STAT5B: variants seen among roughly 807,000 people sequenced by gnomAD.
The protein encoded by STAT5B is signal transducer and activator of transcription 5B.
Under a neutral mutation model 107.8 loss-of-function variants are expected in STAT5B, and 21 were observed. That is an observed-to-expected ratio of 0.19 (90% CI 0.14 to 0.28). STAT5B has a LOEUF of 0.28. Ranked by LOEUF, STAT5B falls within the 10% of genes least tolerant of loss-of-function variation. STAT5B has a pLI of 1.00. For synonymous variants in STAT5B, 325 were observed against 401.7 expected (o/e 0.81, Z 2.28); for missense variants, 565 against 1,008.2 (o/e 0.56, Z 5.95).
At chr17:42,202,214 G>T in intron 18 of STAT5B, 126 bp downstream of exon 18, 1 of 1,154,360 alleles carries the variant, frequency 8.7e-7, no homozygotes. Context: ...CAGAGCCCGG[G>T]CCAGGGCTGT....
chr17:42,225,696 G>A (rs769075186), intron 3 of STAT5B, among the ~76,000 whole-genome samples: 2 of 152,268 alleles, frequency 1.3e-5, no homozygotes, highest in South Asian at 4.1e-4. Context: ...CAAAAGAAAT[G>A]CTATGTAAAT....
At chr17:42,227,789 T>TA (rs1352819422) in intron 2 of STAT5B, 104 bp from the exon 3 acceptor site, 4 of 1,205,790 alleles carry the variant, frequency 3.3e-6, no homozygotes, top group African/African-American at 3.0e-5. Context: ...GTGATGTTTT[T>TA]AATCCTCACT....
chr17:42,248,137 T>C (rs1490442640), intron 1 of STAT5B, among the ~76,000 whole-genome samples: 1 of 151,428 alleles, frequency 6.6e-6, no homozygotes, highest in Non-Finnish European at 1.5e-5. Flanking sequence ...ATTAGCCCAG[T>C]GTGGTGGCGC....
chr17:42,229,362 C>T (rs1253324662), intron 2 of STAT5B, among the ~76,000 whole-genome samples: 2 of 150,970 alleles, frequency 1.3e-5, no homozygotes, highest in African/African-American at 4.9e-5. Context: ...GTTGGCCAGG[C>T]TGGTCTCAAA....
chr17:42,200,201 T>C lies in STAT5B; in HGVS notation c.*1537A>G, dbSNP rs184810925. On this transcript the variant is annotated 3_prime_UTR_variant, in exon 19 of 19. Coordinates refer to ENST00000293328, the MANE Select transcript of STAT5B (RefSeq NM_012448.4). Reference sequence around the variant, plus strand: ...TTTTTAACGGCAAAACACTGATAAATTCAGAAGTTATTTTTGTAAAAAAAA... The same window carrying C: ...TTTTTAACGGCAAAACACTGATAAACTCAGAAGTTATTTTTGTAAAAAAAA... The C allele has an allele frequency of 3.9e-5, 6 of 152,816 alleles. No individual in the cohort carries two copies. In the East Asian group the frequency reaches 1.1e-3, roughly 29 times the overall value. The allele number at this position is 152,816 out of a possible 1,614,324, so 9.5% of individuals were successfully genotyped here.
the STAT5B span, chr17:42,288,005 GCACACACGCGCGTGCACACA>G: frequency 1.4e-4 from 22 of 152,120 alleles, no homozygotes; most frequent in African/African-American, 5.1e-4. This position sits in a 1 kb window ranked among gnomAD's most constrained non-coding sequence, Gnocchi z 4.8. Flanking sequence ...ACACACATGC[GCACACACGCGCGTGCACACA>G]CACACCCCAC....
intron 1 of STAT5B, among the ~76,000 whole-genome samples, chr17:42,246,902 T>C (rs1019711353): frequency 2.0e-5 from 3 of 152,214 alleles, no homozygotes; most frequent in African/African-American, 7.2e-5. Context: ...AAGCTATCAT[T>C]ACAAGAGCAG....
chr17:42,273,237 A>T (rs1014911529), intron 1 of STAT5B, among the ~76,000 whole-genome samples: 2 of 152,082 alleles, frequency 1.3e-5, no homozygotes, highest in Non-Finnish European at 2.9e-5. Context: ...AAAACTTCTG[A>T]TTTTAGAAGA....
At chr17:42,263,871 G>GCGCA (rs1007528555) in intron 1 of STAT5B, among the ~76,000 whole-genome samples, 2,937 of 144,978 alleles carry the variant, frequency 0.02, 38 homozygotes, top group Middle Eastern at 0.039. Context: ...TAGAAAGCGC[G>GCGCA]CACACACACA....
At chr17:42,286,977 A>G in the STAT5B span, among the ~76,000 whole-genome samples, 1 of 152,200 alleles carries the variant, frequency 6.6e-6, no homozygotes, top group South Asian at 2.1e-4. Flanking sequence ...CTCCCCTGCC[A>G]AATCCATTGC....
rs1486687278 is a variant in STAT5B at position 42,206,418 on chromosome 17, G to A, written c.2077+1140C>T. On this transcript the variant is annotated intron_variant, in intron 16 of 18. Transcript: ENST00000293328. ...ATATGTTTCCTTGTTTATGGTCTTCGTTCTGCTGCTAGATAACCTCCACAC... is the reference window on the plus strand; with the variant it reads ...ATATGTTTCCTTGTTTATGGTCTTCATTCTGCTGCTAGATAACCTCCACAC... Among the ~76,000 whole-genome samples, 4 of 151,810 alleles carry A rather than the reference G, an allele frequency of 2.6e-5. 1 individual carries two copies. In the South Asian group the frequency reaches 8.3e-4, roughly 31 times the overall value.
intron 1 of STAT5B, among the ~76,000 whole-genome samples, chr17:42,237,992 C>A (rs1294484124): frequency 6.6e-6 from 1 of 152,196 alleles, no homozygotes; most frequent in Non-Finnish European, 1.5e-5. Context: ...TTTCTCCCAT[C>A]TCTAATTTTA....
At chr17:42,210,030 G>T in intron 15 of STAT5B, 141 bp downstream of exon 15, 1 of 1,291,756 alleles carries the variant, frequency 7.7e-7, no homozygotes, top group Non-Finnish European at 1.1e-6. Flanking sequence ...GCCTTATTAT[G>T]AGTATGTCAT....
At chr17:42,237,039 T>C (rs2080362343) in intron 1 of STAT5B, among the ~76,000 whole-genome samples, 1 of 152,194 alleles carries the variant, frequency 6.6e-6, no homozygotes, top group Non-Finnish European at 1.5e-5. Flanking sequence ...GGATTCACAA[T>C]CTTATTTTTA....
At chr17:42,281,644 C>T (rs574644306), upstream of STAT5B, among the ~76,000 whole-genome samples, 1 of 152,266 alleles carries the variant, frequency 6.6e-6, no homozygotes, top group South Asian at 2.1e-4. Context: ...GATGGATGTG[C>T]AGGTGCATGG....
intron 12 of STAT5B, among the ~76,000 whole-genome samples, chr17:42,214,843 G>A (rs955413543): frequency 4.6e-5 from 7 of 152,114 alleles, no homozygotes; most frequent in Non-Finnish European, 8.8e-5. Context: ...TGGACCTCCT[G>A]GGCTCAGGCG....
chr17:42,214,463 G>A (rs1474660488), intron 12 of STAT5B: 4 of 985,308 alleles, frequency 4.1e-6, no homozygotes, highest in East Asian at 1.1e-4. Context: ...TCTCTAAAGA[G>A]GAGTGTTGGG....
upstream of STAT5B, among the ~76,000 whole-genome samples, chr17:42,277,758 C>CTTTTT (rs796461733): frequency 7.1e-6 from 1 of 139,868 alleles, no homozygotes; most frequent in Non-Finnish European, 1.5e-5. Context: ...TTTTTCTTTT[C>CTTTTT]TTTTTTTTTT....
chr17:42,224,736 A>G (rs769611455), intron 4 of STAT5B, 43 bp downstream of exon 4: 2 of 1,605,342 alleles, frequency 1.2e-6, no homozygotes, highest in South Asian at 2.2e-5. Flanking sequence ...GTGGGTAAGA[A>G]AAGACTTCCC....
Sources: allele counts gnomAD v4.1 joint callset (sites outside exome capture counted in the v4.1 genomes callset), GRCh38; gene constraint gnomAD v4.1.1; non-coding constraint Gnocchi (gnomAD v3.1); transcripts MANE v1.5; gene names NCBI Gene and HGNC (gene_info 2026-07-23, HGNC 2026-07-21).